The following RALGAPA1 variants were observed in gnomAD, a reference collection of about 807,000 sequenced individuals.
The protein encoded by RALGAPA1 is Ral GTPase activating protein catalytic subunit alpha 1, also known as ral GTPase-activating protein subunit alpha-1.
RALGAPA1 carries 52 observed loss-of-function variants against 269.6 expected under a neutral mutation model. The ratio of observed to expected loss-of-function variants is 0.19; its 90% confidence interval spans 0.15 to 0.24. The LOEUF (loss-of-function observed/expected upper bound fraction) is 0.24, where lower values mean the gene tolerates loss of function less well. Ranked by LOEUF, RALGAPA1 falls within the 10% of genes least tolerant of loss-of-function variation. The pLI is 1.00. For missense variants in RALGAPA1, 1,917 were observed against 3,013.9 expected, an observed-to-expected ratio of 0.64 and a Z score of 8.52; for synonymous variants, 817 against 1,008.3, an observed-to-expected ratio of 0.81 and a Z score of 3.60.
intron 3 of RALGAPA1, 115 bp from the exon 4 acceptor site, chr14:35,771,114 C>A (rs766000136): frequency 2.3e-6 from 1 of 426,336 alleles, no homozygotes; most frequent in East Asian, 4.0e-5. Flanking sequence ...ACAAAATAGG[C>A]CGGGCACGGT....
chr14:35,552,557 A>T (rs1374978827), intron 39 of RALGAPA1, among the ~76,000 whole-genome samples: 1 of 152,194 alleles, frequency 6.6e-6, no homozygotes, highest in African/African-American at 2.4e-5. Flanking sequence ...GGTGAAGGTA[A>T]ATAAAAAAAT....
At chr14:35,632,708 A>G (rs2061432878) in intron 33 of RALGAPA1, among the ~76,000 whole-genome samples, 1 of 152,162 alleles carries the variant, frequency 6.6e-6, no homozygotes, top group Non-Finnish European at 1.5e-5. Context: ...TTCTTTAGTA[A>G]ATTTAATAAT....
intron 1 of RALGAPA1, among the ~76,000 whole-genome samples, chr14:35,798,511 T>C (rs533750092): frequency 6.6e-6 from 1 of 152,198 alleles, no homozygotes; most frequent in African/African-American, 2.4e-5. Context: ...CCAGCACAAA[T>C]AAATAATAAA....
chr14:35,683,529 TTAAA>T, intron 21 of RALGAPA1: 1 of 244,914 alleles, frequency 4.1e-6, no homozygotes, highest in Non-Finnish European at 7.9e-6. Flanking sequence ...TATGTTCCCA[TTAAA>T]ATTTTTTTTT....
chr14:35,772,905 G>C lies in RALGAPA1; in HGVS notation c.268-1906C>G, dbSNP rs77648624. 6.4e-3 allele frequency among the ~76,000 whole-genome samples: 980 copies of C among 152,042 alleles called. 14 individuals carry two copies. Among genetic ancestry groups the C allele is most frequent in the African/African-American group, 0.023 (952 of 41,468 alleles). On this transcript the variant is annotated intron_variant, in intron 3 of 41. Transcript: ENST00000680220. ...CTTCTCGTTGATATCATCTTCTTTAGTAAACCCCATATGAAAGGATGATAA... is the reference window on the plus strand; with the variant it reads ...CTTCTCGTTGATATCATCTTCTTTACTAAACCCCATATGAAAGGATGATAA...
At chr14:35,765,789 G>A (rs748946400) in intron 4 of RALGAPA1, 18 of 478,628 alleles carry the variant, frequency 3.8e-5, no homozygotes, top group Non-Finnish European at 6.0e-5. Context: ...AGCCACTACA[G>A]CCAGCCAAAA....
chr14:35,652,753 AATAAAT>A (rs1439236449), intron 30 of RALGAPA1, among the ~76,000 whole-genome samples: 4 of 152,186 alleles, frequency 2.6e-5, no homozygotes, highest in African/African-American at 9.6e-5. Context: ...ATATTATTTG[AATAAAT>A]ATAAAGTACA....
intron 21 of RALGAPA1, 79 bp from the exon 22 acceptor site, chr14:35,678,181 A>G (rs1463981662): frequency 5.8e-6 from 8 of 1,370,360 alleles, no homozygotes; most frequent in South Asian, 2.8e-5. Flanking sequence ...CACCCTAAAT[A>G]AAAGAAATTT....
intron 1 of RALGAPA1, among the ~76,000 whole-genome samples, chr14:35,786,172 CATAAG>C (rs746609505): frequency 8.4e-4 from 128 of 151,728 alleles, no homozygotes; most frequent in Non-Finnish European, 1.6e-3. Flanking sequence ...GAAAAAAAAA[CATAAG>C]AGAAGGAATG....
intron 16 of RALGAPA1, among the ~76,000 whole-genome samples, chr14:35,720,463 C>A (rs1237972186): frequency 6.6e-6 from 1 of 152,124 alleles, no homozygotes; most frequent in Non-Finnish European, 1.5e-5. Flanking sequence ...CTTTACATTT[C>A]TTTAAAATTA....
chr14:35,712,985 GGCAGAGGCCTAATCAT>G (rs2068493655), intron 16 of RALGAPA1, among the ~76,000 whole-genome samples: 1 of 152,152 alleles, frequency 6.6e-6, no homozygotes, highest in Non-Finnish European at 1.5e-5. Context: ...TGGAAAAGTG[GGCAGAGGCCTAATCAT>G]GCAGGGCCTT....
intron 39 of RALGAPA1, among the ~76,000 whole-genome samples, chr14:35,555,181 A>G (rs911214552): frequency 1.3e-5 from 2 of 152,246 alleles, no homozygotes; most frequent in Non-Finnish European, 2.9e-5. Context: ...TTAAGAGAAA[A>G]GAAAACTGAT....
intron 39 of RALGAPA1, among the ~76,000 whole-genome samples, chr14:35,554,097 G>A (rs2055298121): frequency 6.6e-6 from 1 of 152,110 alleles, no homozygotes; most frequent in Admixed American, 6.5e-5. Context: ...AATTTTTGGT[G>A]AGTACAACTT....
intron 16 of RALGAPA1, among the ~76,000 whole-genome samples, chr14:35,702,699 T>C (rs2067453889): frequency 7.1e-6 from 1 of 141,172 alleles, no homozygotes; most frequent in Non-Finnish European, 1.5e-5. Flanking sequence ...CATCTATAGT[T>C]GTAATCACCT....
Position 35,765,883 on chromosome 14 carries a change from A to G in RALGAPA1, c.326-3130T>C, listed in dbSNP as rs376049853. On this transcript the variant is annotated intron_variant, in intron 4 of 41. Transcript: ENST00000680220. Reference sequence around the variant, plus strand: ...ATTGTTGGATTAGGGAGCTCTACTAATGGAAAAACAAATTTAGATGAGTTT... The same window carrying G: ...ATTGTTGGATTAGGGAGCTCTACTAGTGGAAAAACAAATTTAGATGAGTTT... 36 of 923,142 alleles carry G rather than the reference A, an allele frequency of 3.9e-5. No homozygotes were observed. In the East Asian group the frequency reaches 7.9e-4, roughly 20 times the overall value. The allele number at this position is 923,142 out of a possible 1,614,324, so 57.2% of individuals were successfully genotyped here.
chr14:35,780,773 C>T (rs895607405), intron 1 of RALGAPA1, among the ~76,000 whole-genome samples: 1 of 152,082 alleles, frequency 6.6e-6, no homozygotes, highest in Admixed American at 6.6e-5. Context: ...ATCTGAAAAT[C>T]GAACCATAAT....
intron 1 of RALGAPA1, among the ~76,000 whole-genome samples, chr14:35,777,720 A>T (rs1425236229): frequency 6.6e-6 from 1 of 151,884 alleles, no homozygotes; most frequent in Non-Finnish European, 1.5e-5. Flanking sequence ...CCACTATCAC[A>T]CCTGGCTAAT....
At chr14:35,787,375 C>T (rs754197827) in intron 1 of RALGAPA1, among the ~76,000 whole-genome samples, 2 of 152,120 alleles carry the variant, frequency 1.3e-5, no homozygotes, top group Non-Finnish European at 2.9e-5. Flanking sequence ...AAAGGGAAGA[C>T]GACTGGGAAC....
At chr14:35,620,683 T>C (rs2060561671) in intron 35 of RALGAPA1, among the ~76,000 whole-genome samples, 2 of 152,182 alleles carry the variant, frequency 1.3e-5, no homozygotes, top group South Asian at 2.1e-4. Flanking sequence ...ACAAAATCAA[T>C]GTGCAAAAAT....
Sources: allele counts gnomAD v4.1 joint callset (sites outside exome capture counted in the v4.1 genomes callset), GRCh38; gene constraint gnomAD v4.1.1; transcripts MANE v1.5; gene names NCBI Gene and HGNC (gene_info 2026-07-23, HGNC 2026-07-21).